USP37: variants seen among roughly 807,000 people sequenced by gnomAD.
The protein encoded by USP37 is ubiquitin carboxyl-terminal hydrolase 37.
A neutral mutation model predicts 124.0 loss-of-function variants in USP37; 27 were observed. The ratio of observed to expected loss-of-function variants is 0.22; its 90% CI spans 0.16 to 0.30. The LOEUF (loss-of-function observed/expected upper bound fraction) is 0.30. Ranked by LOEUF, USP37 falls within the 10% of genes least tolerant of loss-of-function variation. The probability of loss-of-function intolerance (pLI) is 1.00; values close to 1 mark genes in which losing one functional copy is unlikely to be tolerated. For missense variants in USP37, 889 were observed against 1,140.4 expected, an observed-to-expected ratio of 0.78 and a Z score of 3.17; for synonymous variants, 365 against 388.0, an observed-to-expected ratio of 0.94 and a Z score of 0.70.
intron 21 of USP37, among the ~76,000 whole-genome samples, chr2:218,464,682 C>A (rs374707375): frequency 6.6e-6 from 1 of 152,160 alleles, no homozygotes; most frequent in African/African-American, 2.4e-5. Context: ...AAAAATCAGA[C>A]CTGTAAGTCA....
chr2:218,517,931 T>C (rs1252946294), intron 10 of USP37, among the ~76,000 whole-genome samples: 1 of 152,158 alleles, frequency 6.6e-6, no homozygotes, highest in Non-Finnish European at 1.5e-5. Flanking sequence ...ATCGTTCAGA[T>C]CACTAATTCT....
intron 4 of USP37, among the ~76,000 whole-genome samples, chr2:218,554,795 A>G (rs980249003): frequency 4.6e-5 from 7 of 152,168 alleles, no homozygotes; most frequent in African/African-American, 1.7e-4. Context: ...TTGTTAAACA[A>G]AAGTTTGTAA....
At chr2:218,540,060 C>A (rs944392458) in intron 8 of USP37, among the ~76,000 whole-genome samples, 2 of 152,002 alleles carry the variant, frequency 1.3e-5, no homozygotes, top group Non-Finnish European at 2.9e-5. Flanking sequence ...TACCTTTTCA[C>A]TTAAAGGAGG....
Position 218,466,003 on chromosome 2 carries a change from C to T in USP37, c.2466+7G>A, listed in dbSNP as rs751178609. 5 of 1,601,512 alleles carry T rather than the reference C, an allele frequency of 3.1e-6. No individual in the cohort carries two copies. The highest frequency in any genetic ancestry group is 4.2e-6 in the Non-Finnish European group (5 of 1,177,334). ...ACAGAGAAAGTAGCAATATAAATAT[C>T]TCTTACTTGCTCTTGAAGGCTCTGA... On this transcript the variant is annotated splice_region_variant and intron_variant, in intron 21 of 25. Transcript: ENST00000258399.
At chr2:218,537,892 GC>G (rs1182754118) in intron 8 of USP37, among the ~76,000 whole-genome samples, 1 of 152,150 alleles carries the variant, frequency 6.6e-6, no homozygotes, top group African/African-American at 2.4e-5. Flanking sequence ...ATATTATTAA[GC>G]CCTGGAAGAG....
intron 1 of USP37, among the ~76,000 whole-genome samples, chr2:218,566,565 G>A (rs191421934): frequency 6.6e-6 from 1 of 152,224 alleles, no homozygotes; most frequent in Non-Finnish European, 1.5e-5. Flanking sequence ...TAACCAGATA[G>A]AAGAGTATTG....
At chr2:218,466,269 C>T (rs377734667) in intron 20 of USP37, 93 bp from the exon 21 acceptor site, 1 of 1,349,028 alleles carries the variant, frequency 7.4e-7, no homozygotes, top group South Asian at 1.5e-5. Flanking sequence ...AAGCAATTTA[C>T]CCTAATTTCA....
intron 10 of USP37, among the ~76,000 whole-genome samples, chr2:218,526,949 C>T (rs541000): frequency 0.46 from 69,953 of 151,198 alleles, 19,300 homozygotes; most frequent in East Asian, 0.78. Context: ...CCACCACGCC[C>T]GGCTAATTTT....
At chr2:218,527,070 G>A (rs1379040143) in intron 10 of USP37, among the ~76,000 whole-genome samples, 1 of 152,118 alleles carries the variant, frequency 6.6e-6, no homozygotes, top group Non-Finnish European at 1.5e-5. Flanking sequence ...CCACAGGCGT[G>A]AGCCACCGCG....
chr2:218,467,656 T>C (rs929216099), intron 20 of USP37, among the ~76,000 whole-genome samples: 1 of 151,978 alleles, frequency 6.6e-6, no homozygotes, highest in Non-Finnish European at 1.5e-5. Flanking sequence ...CTAATTTTTG[T>C]ATTTTTTAGT....
chr2:218,536,250 T>A (rs921640335), intron 8 of USP37, among the ~76,000 whole-genome samples: 2 of 152,198 alleles, frequency 1.3e-5, no homozygotes, highest in African/African-American at 4.8e-5. Flanking sequence ...TTCAAATAAA[T>A]GTTCATGCTT....
In USP37 at chr2:218,553,448, A is replaced by G; in HGVS notation, c.328+105T>C. 3.7e-6 allele frequency: 4 copies of G among 1,072,732 alleles called. No individual in the cohort carries two copies. The South Asian group carries it at 7.3e-5, about 20-fold the overall frequency. The allele number at this position is 1,072,732 out of a possible 1,614,324, so 66.5% of individuals were successfully genotyped here. ...AATAAATCTTATTTGCTCATGGTGTATAATCCTTTTAATGTGCTGATGAAT... is the reference window on the plus strand; with the variant it reads ...AATAAATCTTATTTGCTCATGGTGTGTAATCCTTTTAATGTGCTGATGAAT... On this transcript the variant is annotated intron_variant, in intron 5 of 25. Coordinates refer to ENST00000258399, the MANE Select transcript of USP37 (RefSeq NM_020935.3).
At chr2:218,485,885 G>A in intron 15 of USP37, 142 bp from the exon 16 acceptor site, 3 of 819,320 alleles carry the variant, frequency 3.7e-6, no homozygotes, top group Non-Finnish European at 5.7e-6. Flanking sequence ...CTAGAGCCAT[G>A]AGCCTTACCA....
intron 22 of USP37, among the ~76,000 whole-genome samples, chr2:218,462,718 ATT>A (rs1418603246): frequency 6.6e-6 from 1 of 152,120 alleles, no homozygotes; most frequent in Non-Finnish European, 1.5e-5. Flanking sequence ...TAAAAAACAT[ATT>A]GTTAGAGATA....
chr2:218,550,035 A>C (rs1217753012), intron 5 of USP37, 126 bp from the exon 6 acceptor site: 2 of 612,492 alleles, frequency 3.3e-6, no homozygotes, highest in Non-Finnish European at 5.2e-6. Context: ...AAAGAAAACA[A>C]ATCAAAGTGC....
At chr2:218,507,276 G>A (rs1336561985) in intron 11 of USP37, among the ~76,000 whole-genome samples, 1 of 151,842 alleles carries the variant, frequency 6.6e-6, no homozygotes, top group Non-Finnish European at 1.5e-5. Flanking sequence ...TCCCTCCTCT[G>A]CCTCCCAAGT....
chr2:218,483,874 C>A (rs1212689522), intron 16 of USP37, among the ~76,000 whole-genome samples: 2 of 152,180 alleles, frequency 1.3e-5, no homozygotes, highest in Admixed American at 1.3e-4. Flanking sequence ...AAATATAAGT[C>A]TCTTAAGTCA....
At position 218,495,927 on chromosome 2, in the gene USP37, CTGACTTAAAA is replaced by C. The variant is rs779733606; in HGVS notation, c.1295_1304del (p.Phe432CysfsTer6). The C allele has an allele frequency of 6.2e-7, 1 of 1,610,434 alleles. No homozygotes were observed. The highest frequency in any genetic ancestry group is 1.1e-5 in the South Asian group (1 of 90,512). On this transcript the variant is annotated frameshift_variant, in exon 14 of 26. Transcript: ENST00000258399. LOFTEE classifies it high-confidence loss of function. ...TATCTTCTTTCAGCTGGTCCAAACA[CTGACTTAAAA>C]ATTCATGAGCATCCTAATAAGACAA... is the stretch of plus-strand genomic sequence containing the variant.
chr2:218,480,671 C>G (rs547256603), intron 17 of USP37, among the ~76,000 whole-genome samples: 1 of 152,288 alleles, frequency 6.6e-6, no homozygotes, highest in African/African-American at 2.4e-5. Context: ...TCACAACCAT[C>G]CTATTGTTTT....
Sources: allele counts gnomAD v4.1 joint callset (sites outside exome capture counted in the v4.1 genomes callset), GRCh38; gene constraint gnomAD v4.1.1; transcripts MANE v1.5; gene names NCBI Gene and HGNC (gene_info 2026-07-23, HGNC 2026-07-21).